Variants in SDK1 observed in about 807,000 individuals in gnomAD.
The protein encoded by SDK1 is protein sidekick-1.
Under a neutral mutation model 245.5 loss-of-function variants are expected in SDK1, and 157 were observed. The ratio of observed to expected loss-of-function variants is 0.64; its 90% confidence interval spans 0.56 to 0.73. The LOEUF (loss-of-function observed/expected upper bound fraction) is 0.73, where lower values mean the gene tolerates loss of function less well. SDK1 is among the 30% of genes least tolerant of loss of function. The pLI, the probability that SDK1 is intolerant of heterozygous loss-of-function variation, is 0.00. For synonymous variants in SDK1, 1,647 were observed against 1,278.5 expected (o/e 1.29, Z -6.15); for missense variants, 3,583 against 3,002.3 (o/e 1.19, Z -4.52).
intron 1 of SDK1, 84 bp downstream of exon 1, chr7:3,301,968 T>C (rs2128539599): frequency 1.0e-6 from 1 of 977,254 alleles, no homozygotes; most frequent in Non-Finnish European, 1.2e-6. Context: ...GTGTCCGGGG[T>C]CCCCCCGCTT....
chr7:3,537,403 C>A (rs1778919171), intron 1 of SDK1, among the ~76,000 whole-genome samples: 1 of 152,152 alleles, frequency 6.6e-6, no homozygotes, highest in African/African-American at 2.4e-5. Context: ...GAGCTCTTTC[C>A]CCTAATCCTG....
intron 44 of SDK1, among the ~76,000 whole-genome samples, chr7:4,251,706 A>G (rs1044233640): frequency 3.9e-5 from 6 of 152,242 alleles, no homozygotes; most frequent in African/African-American, 9.6e-5. Context: ...CATTTTATCA[A>G]TGAAAGGAAC....
intron 1 of SDK1, among the ~76,000 whole-genome samples, chr7:3,327,666 T>C (rs934401300): frequency 3.3e-5 from 5 of 151,946 alleles, no homozygotes; most frequent in Non-Finnish European, 7.4e-5. Flanking sequence ...AAAAAAAAAA[T>C]CCTGACAGCA....
chr7:4,245,765 T>G lies in SDK1; in HGVS notation c.6341T>G (p.Val2114Gly), dbSNP rs138051064. ...AACGGCGCCGTGCTGACCGAGAGCG[T>G]GAGCCTCAAGGAGAAGTCGGCAGAT... ...KYNGAVLTES[V>G]SLKEKSADAS... Residue 2114 changes from valine (V) to glycine (G), a missense_variant, in exon 44 of 45, where the codon GTG becomes GGG. Physicochemically the swap from Val to Gly is moderately radical, Grantham distance 109. Coordinates refer to ENST00000404826, the MANE Select transcript of SDK1 (RefSeq NM_152744.4). 1.8e-5 allele frequency: 29 copies of G among 1,613,256 alleles called. No homozygotes were observed. The African/African-American group carries it at 3.6e-4, about 20-fold the overall frequency.
intron 14 of SDK1, among the ~76,000 whole-genome samples, chr7:3,993,156 G>A (rs566070778): frequency 2.6e-5 from 4 of 152,292 alleles, no homozygotes; most frequent in African/African-American, 9.6e-5. Flanking sequence ...ATTGCACAGT[G>A]TTAGAAATGG....
chr7:3,494,161 A>G (rs1781950792), intron 1 of SDK1, among the ~76,000 whole-genome samples: 1 of 152,194 alleles, frequency 6.6e-6, no homozygotes, highest in African/African-American at 2.4e-5. Context: ...AACATTCAAA[A>G]TAGCTATTAT....
chr7:3,366,970 G>A (rs927634608), intron 1 of SDK1, among the ~76,000 whole-genome samples: 5 of 152,014 alleles, frequency 3.3e-5, no homozygotes, highest in African/African-American at 1.2e-4. Context: ...TCGATCTCCT[G>A]ACCTCGTGAT....
intron 1 of SDK1, among the ~76,000 whole-genome samples, chr7:3,390,132 C>T (rs1306090743): frequency 6.6e-6 from 1 of 152,102 alleles, no homozygotes; most frequent in Non-Finnish European, 1.5e-5. Context: ...GAAGGTACTG[C>T]TTGGATTCTT....
intron 2 of SDK1, among the ~76,000 whole-genome samples, chr7:3,632,457 TA>T (rs1782324498): frequency 6.6e-6 from 1 of 152,158 alleles, no homozygotes; most frequent in Admixed American, 6.5e-5. Flanking sequence ...ATGGCATCAA[TA>T]AAAAGTTATC....
At chr7:3,888,846 A>G (rs755594960) in intron 5 of SDK1, among the ~76,000 whole-genome samples, 2 of 152,184 alleles carry the variant, frequency 1.3e-5, no homozygotes, top group African/African-American at 4.8e-5. Flanking sequence ...CTCGTATTCT[A>G]TATGTTATGC....
chr7:3,961,418 C>G (rs1251458612), intron 8 of SDK1, among the ~76,000 whole-genome samples: 2 of 152,198 alleles, frequency 1.3e-5, no homozygotes, highest in Non-Finnish European at 2.9e-5. Context: ...CATCTCACAC[C>G]TACCCACACG....
At chr7:3,920,005 A>C (rs1223955250) in intron 5 of SDK1, among the ~76,000 whole-genome samples, 1 of 152,146 alleles carries the variant, frequency 6.6e-6, no homozygotes, top group Admixed American at 6.5e-5. Flanking sequence ...AGTGGATGGC[A>C]ATTAGAACTT....
At chr7:4,214,948 G>A (rs1257850322) in intron 38 of SDK1, among the ~76,000 whole-genome samples, 3 of 152,208 alleles carry the variant, frequency 2.0e-5, no homozygotes, top group Non-Finnish European at 4.4e-5. Flanking sequence ...GATCCCTCCT[G>A]GCTTCTCCCT....
rs1362162604 is a variant in SDK1 at position 4,018,382 on chromosome 7, G to C, written c.2602+1030G>C. On this transcript the variant is annotated intron_variant, in intron 17 of 44. Coordinates refer to ENST00000404826, the MANE Select transcript of SDK1 (RefSeq NM_152744.4). ...ACTGGCTGTCTGTTGTCATCTGTAA[G>C]TCCATAAATCCTCCTTTATAAATTA... Among the ~76,000 whole-genome samples the C allele has an allele frequency of 4.6e-5, 7 of 152,248 alleles. 1 individual carries two copies. The South Asian group carries it at 1.5e-3, about 32-fold the overall frequency.
At chr7:3,993,310 G>T (rs1784480686) in intron 14 of SDK1, among the ~76,000 whole-genome samples, 1 of 152,116 alleles carries the variant, frequency 6.6e-6, no homozygotes, top group Non-Finnish European at 1.5e-5. Flanking sequence ...CAGAAGAATG[G>T]TGGCCTTCTA....
intron 4 of SDK1, among the ~76,000 whole-genome samples, chr7:3,727,260 T>C (rs139047220): frequency 6.6e-6 from 1 of 152,210 alleles, no homozygotes; most frequent in Non-Finnish European, 1.5e-5. Context: ...CTTGTTGCCA[T>C]GTTGATTTAA....
intron 25 of SDK1, among the ~76,000 whole-genome samples, chr7:4,120,060 C>G (rs769342699): frequency 6.7e-6 from 1 of 148,272 alleles, no homozygotes; most frequent in Non-Finnish European, 1.5e-5. Flanking sequence ...AGAGAATTAC[C>G]AAATTAAAAG....
At chr7:4,224,128 G>A (rs548220407) in intron 40 of SDK1, among the ~76,000 whole-genome samples, 4 of 152,328 alleles carry the variant, frequency 2.6e-5, no homozygotes, top group African/African-American at 7.2e-5. Context: ...CCAGGAACCT[G>A]CAGGTGCCTC....
chr7:3,436,647 C>A (rs952202421), intron 1 of SDK1, among the ~76,000 whole-genome samples: 2 of 151,988 alleles, frequency 1.3e-5, no homozygotes, highest in South Asian at 2.1e-4. Context: ...TGGCTATGAA[C>A]CATGTAATAT....
Sources: gnomAD v4.1 joint callset for allele counts (sites outside exome capture counted in the v4.1 genomes callset) on GRCh38, gnomAD v4.1.1 for gene constraint, MANE v1.5 for transcripts, NCBI Gene and HGNC (gene_info 2026-07-23, HGNC 2026-07-21) for gene names.